The following CPSF7 variants were observed in gnomAD, a reference collection of about 807,000 sequenced individuals.
CPSF7 encodes the protein cleavage and polyadenylation specificity factor subunit 7.
In CPSF7, 1 loss-of-function variant was observed where a neutral mutation model predicts 44.3. The observed-to-expected ratio is 0.02, with a 90% CI of 0.01 to 0.11. CPSF7 has a LOEUF of 0.11. Ranked by LOEUF, CPSF7 falls within the 10% of genes least tolerant of loss-of-function variation. The pLI, the probability that CPSF7 is intolerant of heterozygous loss-of-function variation, is 1.00. For missense variants in CPSF7, 443 were observed against 607.2 expected (o/e 0.73, Z 2.84); for synonymous variants, 202 against 222.0 (o/e 0.91, Z 0.80).
chr11:61,414,568 G>C (rs1860144990), intron 7 of CPSF7, among the ~76,000 whole-genome samples: 1 of 152,202 alleles, frequency 6.6e-6, no homozygotes, highest in South Asian at 2.1e-4. Context: ...ATGATGCAAA[G>C]ATGAAAACTG....
chr11:61,409,841 C>T (rs531204004), intron 9 of CPSF7, among the ~76,000 whole-genome samples: 83 of 151,834 alleles, frequency 5.5e-4, no homozygotes, highest in African/African-American at 1.9e-3. Flanking sequence ...GGCGTGGTGA[C>T]GCGCGCCTGT....
At chr11:61,410,248 C>T (rs1311173615) in intron 9 of CPSF7, among the ~76,000 whole-genome samples, 1 of 152,006 alleles carries the variant, frequency 6.6e-6, no homozygotes. Flanking sequence ...CCACACTTGG[C>T]TAATTTTTGT....
At position 61,416,447 on chromosome 11, in the gene CPSF7, A is replaced by G. The variant is rs944294721; in HGVS notation, c.596T>C (p.Leu199Pro). ...ATCCACACGAGCAGATGAGGGTACAAGGTTCTCAGAGGGTGTGGCCCGTCC... is the reference window on the plus strand; with the variant it reads ...ATCCACACGAGCAGATGAGGGTACAGGGTTCTCAGAGGGTGTGGCCCGTCC... ...ADGRATPSEN[L>P]VPSSARVDKP... is the part of the protein sequence containing the mutation. The change falls in exon 6 of 10, where the codon CTT (leucine) becomes CCT (proline). Residue 199 changes from leucine (L) to proline (P), a missense_variant. Leu to Pro is a moderately conservative substitution (Grantham distance 98, BLOSUM62 -3). Coordinates refer to ENST00000439958, the MANE Select transcript of CPSF7 (RefSeq NM_001142565.3). 3.7e-6 allele frequency: 6 copies of G among 1,614,096 alleles called. No individual in the cohort carries two copies. The highest frequency in any genetic ancestry group is 3.3e-4 in the Middle Eastern group (2 of 6,062).
intron 2 of CPSF7, among the ~76,000 whole-genome samples, chr11:61,425,376 C>T (rs1311218794): frequency 6.6e-6 from 1 of 152,176 alleles, no homozygotes; most frequent in African/African-American, 2.4e-5. Flanking sequence ...GTGAAAAGTA[C>T]ATTTTACATG....
At position 61,404,545 on chromosome 11, in the gene CPSF7, A is replaced by G. The variant is rs1032406206; in HGVS notation, c.*165T>C. 7 of 152,420 alleles carry G rather than the reference A, an allele frequency of 4.6e-5. No individual in the cohort carries two copies. Among genetic ancestry groups the G allele is most frequent in the Admixed American group, 6.6e-5 (1 of 15,266 alleles). 9.4% of individuals were successfully genotyped at this position (152,420 alleles called of 1,614,324 possible). A position where few individuals can be genotyped will look rare whatever the true frequency, so the allele number is the denominator to read the frequency against. On this transcript the variant is annotated 3_prime_UTR_variant, in exon 10 of 10. Coordinates refer to ENST00000439958, the MANE Select transcript of CPSF7 (RefSeq NM_001142565.3). Reference sequence around the variant, plus strand: ...TGTGGGATTGGGAGGACTGCCAAGCAGTCTTCAATCCTGTGGGGCAGAGGG... The same window carrying G: ...TGTGGGATTGGGAGGACTGCCAAGCGGTCTTCAATCCTGTGGGGCAGAGGG...
Position 61,420,076 on chromosome 11 carries a change from TACC to T in CPSF7, c.393_395del (p.Val132del), listed in dbSNP as rs1565112732. 1 of 1,613,594 alleles carries T rather than the reference TACC, an allele frequency of 6.2e-7. No individual in the cohort carries two copies. The highest frequency in any genetic ancestry group is 8.5e-7 in the Non-Finnish European group (1 of 1,179,536). ...ATTTGTGGACAGAGTTTTCAGAGGC[TACC>T]ACCACCTCAGCATACCTTAGGAAAG... On this transcript the variant is annotated inframe_deletion, in exon 5 of 10. Transcript: ENST00000439958.
intron 9 of CPSF7, among the ~76,000 whole-genome samples, chr11:61,407,613 A>G (rs1022722841): frequency 6.6e-6 from 1 of 152,240 alleles, no homozygotes; most frequent in Non-Finnish European, 1.5e-5. Context: ...ATTCTACATG[A>G]GTTAACCTAG....
chr11:61,429,927 G>A lies in CPSF7; in HGVS notation c.-69C>T, dbSNP rs1861805914. On this transcript the variant is annotated 5_prime_UTR_variant, in exon 1 of 10. Coordinates refer to ENST00000439958, the MANE Select transcript of CPSF7 (RefSeq NM_001142565.3). ...CGCCCCCGTTACCGGGAATATGGCG[G>A]CGGCGGCGGCGAGTCCGGACTAGGC... is the stretch of plus-strand genomic sequence containing the variant. 4 of 1,451,054 alleles carry A rather than the reference G, an allele frequency of 2.8e-6. No individual in the cohort carries two copies. The highest frequency in any genetic ancestry group is 2.6e-5 in the East Asian group (1 of 38,644). 89.9% of individuals were successfully genotyped at this position (1,451,054 alleles called of 1,614,324 possible). A position where few individuals can be genotyped will look rare whatever the true frequency, so the allele number is the denominator to read the frequency against.
At chr11:61,429,832 T>A in intron 1 of CPSF7, 82 bp downstream of exon 1, 1 of 1,546,842 alleles carries the variant, frequency 6.5e-7, no homozygotes, top group African/African-American at 1.4e-5. Flanking sequence ...CCGTCCCATC[T>A]CAACCGACCC....
rs550517806 is a variant in CPSF7, at chr11:61,419,641, T to C, written c.523+308A>G. Among the ~76,000 whole-genome samples the C allele has an allele frequency of 2.6e-5, 4 of 152,322 alleles. No homozygotes were observed. The South Asian group carries it at 6.2e-4, about 24-fold the overall frequency. On this transcript the variant is annotated intron_variant, in intron 5 of 9. Transcript: ENST00000439958. The stretch of plus-strand genomic sequence containing the variant: ...AGAGGTGATGGAACTTTAAACATCA[T>C]GTCACTAGTCCAGATGGGGAAACAG...
Position 61,411,433 on chromosome 11 carries a change from G to C in CPSF7, c.1227-328C>G, listed in dbSNP as rs116008995. ...TGAGAAAAATAAGGCTTGGAAAGTT[G>C]ACTAACTTCCATACACAAGAAGGTC... On this transcript the variant is annotated intron_variant, in intron 8 of 9. Transcript: ENST00000439958. Among the ~76,000 whole-genome samples, 347 of 152,220 alleles carry C rather than the reference G, an allele frequency of 2.3e-3. 1 individual carries two copies. The highest frequency in any genetic ancestry group is 7.9e-3 in the African/African-American group (328 of 41,532).
intron 7 of CPSF7, among the ~76,000 whole-genome samples, 177 bp from the exon 8 acceptor site, chr11:61,412,114 G>A (rs1314591526): frequency 6.6e-6 from 1 of 152,124 alleles, no homozygotes; most frequent in African/African-American, 2.4e-5. Flanking sequence ...TATTCCAGCA[G>A]TTCGGAATTT....
At chr11:61,405,406 A>C (rs1859221356) in intron 9 of CPSF7, among the ~76,000 whole-genome samples, 1 of 152,212 alleles carries the variant, frequency 6.6e-6, no homozygotes, top group Non-Finnish European at 1.5e-5. Flanking sequence ...AGGAACCAGG[A>C]AACATACTAA....
At position 61,420,049 on chromosome 11, in the gene CPSF7, C is replaced by T. The variant is rs780092071; in HGVS notation, c.423G>A (p.Leu141=). ...GAACTTTCCCTGGTAGGAGTTCCAACAATTTGTGGACAGAGTTTTCAGAGG... is the reference window on the plus strand; with the variant it reads ...GAACTTTCCCTGGTAGGAGTTCCAATAATTTGTGGACAGAGTTTTCAGAGG... ...VVASENSVHK[L]LELLPGKVLN... Residue 141 remains leucine (L), a synonymous_variant, in exon 5 of 10, where the codon TTG becomes TTA. Transcript: ENST00000439958. 2 of 1,614,138 alleles carry T rather than the reference C, an allele frequency of 1.2e-6. No individual in the cohort carries two copies. The highest frequency in any genetic ancestry group is 3.3e-5 in the Admixed American group (2 of 60,022).
Position 61,421,161 on chromosome 11 carries a change from T to C in CPSF7, c.273+229A>G, listed in dbSNP as rs538900663. 22 of 1,408,828 alleles carry C rather than the reference T, an allele frequency of 1.6e-5. No individual in the cohort carries two copies. In the African/African-American group the frequency reaches 2.1e-4, roughly 14 times the overall value. 87.3% of individuals were successfully genotyped at this position (1,408,828 alleles called of 1,614,324 possible). On this transcript the variant is annotated intron_variant, in intron 3 of 9. Transcript: ENST00000439958. The stretch of plus-strand genomic sequence containing the variant: ...CATAAAGCCCCAGGGTCAGGGGCAG[T>C]AACAAGATGGCAGAAAAAGCAACTA...
Position 61,429,925 on chromosome 11 carries a change from C to G in CPSF7, c.-67G>C. On this transcript the variant is annotated 5_prime_UTR_variant, in exon 1 of 10. Coordinates refer to ENST00000439958, the MANE Select transcript of CPSF7 (RefSeq NM_001142565.3). ...CGCGCCCCCGTTACCGGGAATATGG[C>G]GGCGGCGGCGGCGAGTCCGGACTAG... The G allele has an allele frequency of 2.1e-6, 3 of 1,409,132 alleles. No individual in the cohort carries two copies. Among genetic ancestry groups the G allele is most frequent in the Non-Finnish European group, 2.9e-6 (3 of 1,050,504 alleles). 87.3% of individuals were successfully genotyped at this position (1,409,132 alleles called of 1,614,324 possible). A position where few individuals can be genotyped will look rare whatever the true frequency, so the allele number is the denominator to read the frequency against.
chr11:61,420,325 G>T, intron 4 of CPSF7, 145 bp downstream of exon 4: 2 of 749,674 alleles, frequency 2.7e-6, no homozygotes, highest in Non-Finnish European at 4.4e-6. Context: ...CTGCAGCTAG[G>T]TCCCTTTCTA....
rs1014807721 is a variant in CPSF7, at chr11:61,403,105, C to T, written c.*1605G>A. On this transcript the variant is annotated 3_prime_UTR_variant, in exon 10 of 10. Coordinates refer to ENST00000439958, the MANE Select transcript of CPSF7 (RefSeq NM_001142565.3). ...GTTGGGGGACAGGGGAAAAAAAGCT[C>T]CAACCTGTAGCCTCTGTCCCAAGGG... The T allele has an allele frequency of 6.6e-6, 1 of 152,434 alleles. No homozygotes were observed. Among genetic ancestry groups the T allele is most frequent in the Non-Finnish European group, 1.5e-5 (1 of 68,042 alleles). 9.4% of individuals were successfully genotyped at this position (152,434 alleles called of 1,614,324 possible). A position where few individuals can be genotyped will look rare whatever the true frequency, so the allele number is the denominator to read the frequency against.
At position 61,411,008 on chromosome 11, in the gene CPSF7, A is replaced by C; in HGVS notation, c.1324T>G (p.Tyr442Asp). 6.2e-7 allele frequency: 1 copy of C among 1,613,736 alleles called. No homozygotes were observed. The highest frequency in any genetic ancestry group is 2.2e-5 in the East Asian group (1 of 44,850). Residue 442 changes from tyrosine to aspartate, a missense_variant, in exon 9 of 10, where the codon TAT becomes GAT. Transcript: ENST00000439958. ...TGCTCCCGGTTCCTTTCTTGGAAAT[A>C]ATCATCATGCCGATCTTCATTATGA... Reference protein sequence around the residue: ...LLHNEDRHDDYFQERNREHER... With the variant: ...LLHNEDRHDDDFQERNREHER...
Sources: gnomAD v4.1 joint callset for allele counts (sites outside exome capture counted in the v4.1 genomes callset) on GRCh38, gnomAD v4.1.1 for gene constraint, MANE v1.5 for transcripts, NCBI Gene and HGNC (gene_info 2026-07-23, HGNC 2026-07-21) for gene names.